Variants in ABLIM1 observed in about 807,000 individuals in gnomAD.
The protein encoded by ABLIM1 is actin binding LIM protein 1.
In ABLIM1, 40 loss-of-function variants were observed where a neutral mutation model predicts 107.0. That is an observed-to-expected ratio of 0.37 (90% confidence interval 0.29 to 0.49). The LOEUF is 0.49. ABLIM1 is among the 20% of genes least tolerant of loss of function. The pLI is 0.97. For synonymous variants in ABLIM1, 357 were observed against 357.3 expected, an observed-to-expected ratio of 1.00 and a Z score of 0.01; for missense variants, 857 against 1,008.5, an observed-to-expected ratio of 0.85 and a Z score of 2.04.
upstream of ABLIM1, among the ~76,000 whole-genome samples, chr10:114,660,568 C>G (rs573522275): frequency 5.9e-5 from 9 of 151,990 alleles, no homozygotes; most frequent in African/African-American, 2.2e-4. Context: ...GATGGAGATC[C>G]CCGAGGGCCA....
chr10:114,655,928 T>A (rs946183897), intron 1 of ABLIM1, among the ~76,000 whole-genome samples: 8 of 152,130 alleles, frequency 5.3e-5, no homozygotes, highest in Non-Finnish European at 7.3e-5. Context: ...AAGCTCTGTA[T>A]AGGCACAGTG....
At chr10:114,678,162 T>TC (rs1330589310) in intron 1 of ABLIM1, among the ~76,000 whole-genome samples, 2 of 148,400 alleles carry the variant, frequency 1.3e-5, no homozygotes, top group African/African-American at 4.9e-5. Flanking sequence ...CTTTTTTTTT[T>TC]CCTCATTCTC....
At chr10:114,673,255 C>A (rs1171471188) in intron 1 of ABLIM1, among the ~76,000 whole-genome samples, 4 of 67,164 alleles carry the variant, frequency 6.0e-5, no homozygotes, top group African/African-American at 1.1e-4. Flanking sequence ...AAGACTCCAG[C>A]TAAAAAAAAA....
At chr10:114,467,090 C>G (rs916360320) in intron 11 of ABLIM1, among the ~76,000 whole-genome samples, 2 of 152,176 alleles carry the variant, frequency 1.3e-5, no homozygotes, top group African/African-American at 4.8e-5. Context: ...ACCCAGGAGG[C>G]AGAGGTTGCA....
chr10:114,489,067 A>G (rs767138342), intron 7 of ABLIM1, among the ~76,000 whole-genome samples: 11 of 151,772 alleles, frequency 7.2e-5, no homozygotes, highest in Admixed American at 2.0e-4. Flanking sequence ...CCCAGGCTGG[A>G]GTGCAAGTGG....
intron 1 of ABLIM1, among the ~76,000 whole-genome samples, chr10:114,618,741 T>C (rs942351863): frequency 3.3e-5 from 5 of 152,232 alleles, no homozygotes; most frequent in Non-Finnish European, 7.3e-5. Flanking sequence ...TGCACCACGC[T>C]AGCCCCCAAC....
At chr10:114,510,988 C>T (rs1288397826) in intron 6 of ABLIM1, among the ~76,000 whole-genome samples, 1 of 151,968 alleles carries the variant, frequency 6.6e-6, no homozygotes, top group East Asian at 1.9e-4. Context: ...GTGTTCCCTC[C>T]CTCCTCTGTG....
At chr10:114,692,265 CAA>C (rs2081095671) in intron 1 of ABLIM1, among the ~76,000 whole-genome samples, 1 of 152,232 alleles carries the variant, frequency 6.6e-6, no homozygotes, top group Non-Finnish European at 1.5e-5. Flanking sequence ...TTGATGGTCT[CAA>C]GTGAACTAAT....
intron 1 of ABLIM1, among the ~76,000 whole-genome samples, chr10:114,728,570 T>C (rs1224247726): frequency 8.0e-6 from 1 of 125,028 alleles, no homozygotes; most frequent in Non-Finnish European, 1.7e-5. Context: ...CATGAATTAA[T>C]CTGAAAGACA....
At chr10:114,524,129 T>TA (rs938316551) in intron 6 of ABLIM1, among the ~76,000 whole-genome samples, 14 of 152,216 alleles carry the variant, frequency 9.2e-5, no homozygotes, top group African/African-American at 3.4e-4. Context: ...CAGCCAATGC[T>TA]AAGCACCACT....
At chr10:114,642,605 C>T (rs528387293) in intron 1 of ABLIM1, among the ~76,000 whole-genome samples, 3 of 152,014 alleles carry the variant, frequency 2.0e-5, no homozygotes, top group Admixed American at 2.0e-4. Flanking sequence ...AAGTAGAGAA[C>T]CTAAGAAGCA....
At chr10:114,562,534 C>CCAAA (rs1050928687) in intron 4 of ABLIM1, among the ~76,000 whole-genome samples, 60 of 152,200 alleles carry the variant, frequency 3.9e-4, no homozygotes, top group African/African-American at 1.2e-3. Flanking sequence ...ATCTCAAAAA[C>CCAAA]CAAACAAACA....
At chr10:114,625,691 G>A (rs2077745927) in intron 1 of ABLIM1, among the ~76,000 whole-genome samples, 1 of 152,176 alleles carries the variant, frequency 6.6e-6, no homozygotes, top group South Asian at 2.1e-4. Flanking sequence ...GTATGACTGA[G>A]GTTAGAGCAG....
intron 1 of ABLIM1, among the ~76,000 whole-genome samples, chr10:114,609,860 A>G (rs190729279): frequency 7.0e-4 from 106 of 152,336 alleles, no homozygotes; most frequent in African/African-American, 2.4e-3. Context: ...CTGCGTCACA[A>G]TTGCCGTAGG....
chr10:114,718,009 AGG>A, intron 1 of ABLIM1, among the ~76,000 whole-genome samples: 2 of 136,444 alleles, frequency 1.5e-5, no homozygotes, highest in African/African-American at 2.8e-5. Flanking sequence ...GAAGGAAGGA[AGG>A]AAGGAAGGAA....
At chr10:114,647,812 A>G (rs898846671) in intron 1 of ABLIM1, among the ~76,000 whole-genome samples, 10 of 152,230 alleles carry the variant, frequency 6.6e-5, no homozygotes, top group African/African-American at 2.4e-4. Flanking sequence ...ACTTCTAAAC[A>G]GCAAACAAAC....
intron 1 of ABLIM1, among the ~76,000 whole-genome samples, chr10:114,641,804 G>A (rs1012587679): frequency 1.3e-5 from 2 of 152,180 alleles, no homozygotes; most frequent in Admixed American, 1.3e-4. Context: ...GCAGACAGCA[G>A]GAGGCATGAA....
chr10:114,552,477 A>C (rs1225815682), intron 4 of ABLIM1, among the ~76,000 whole-genome samples: 2 of 150,164 alleles, frequency 1.3e-5, no homozygotes, highest in African/African-American at 2.5e-5. Flanking sequence ...CAGGAAAAAT[A>C]ATGACCTAAC....
At chr10:114,727,605 C>A (rs796579452) in intron 1 of ABLIM1, among the ~76,000 whole-genome samples, 1 of 152,066 alleles carries the variant, frequency 6.6e-6, no homozygotes, top group African/African-American at 2.4e-5. Flanking sequence ...ATTTCTTAAA[C>A]GGGTCAAAAA....
Sources: gnomAD v4.1 joint callset for allele counts (sites outside exome capture counted in the v4.1 genomes callset) on GRCh38, gnomAD v4.1.1 for gene constraint, MANE v1.5 for transcripts, NCBI Gene and HGNC (gene_info 2026-07-23, HGNC 2026-07-21) for gene names.